SH3RF3: variants seen among roughly 807,000 people sequenced by gnomAD.
The protein encoded by SH3RF3 is SH3 domain containing ring finger 3.
Under a neutral mutation model 66.3 loss-of-function variants are expected in SH3RF3, and 29 were observed. The ratio of observed to expected loss-of-function variants is 0.44; its 90% CI spans 0.33 to 0.60. The LOEUF is 0.60. SH3RF3 is among the 20% of genes least tolerant of loss of function. SH3RF3 has a pLI of 0.04. For missense variants in SH3RF3, 1,194 were observed against 1,190.9 expected (o/e 1.00, Z -0.04); for synonymous variants, 583 against 532.0 (o/e 1.10, Z -1.32).
At chr2:109,253,588 T>C (rs1359212723) in intron 1 of SH3RF3, among the ~76,000 whole-genome samples, 1 of 152,200 alleles carries the variant, frequency 6.6e-6, no homozygotes, top group African/African-American at 2.4e-5. Context: ...CAAATTCTTA[T>C]TCTGACTAAT....
intron 1 of SH3RF3, among the ~76,000 whole-genome samples, chr2:109,149,956 T>C (rs1677192334): frequency 6.6e-6 from 1 of 152,220 alleles, no homozygotes; most frequent in Non-Finnish European, 1.5e-5. Flanking sequence ...GGTTCTTGAC[T>C]TGGGGTGCAT....
intron 1 of SH3RF3, among the ~76,000 whole-genome samples, chr2:109,152,423 G>A (rs148773108): frequency 2.2e-4 from 34 of 152,288 alleles, no homozygotes; most frequent in African/African-American, 7.9e-4. Flanking sequence ...TCTGGGCTCC[G>A]ATCTCAAGTT....
At chr2:109,264,703 C>T (rs938388976) in intron 1 of SH3RF3, among the ~76,000 whole-genome samples, 7 of 152,312 alleles carry the variant, frequency 4.6e-5, no homozygotes, top group South Asian at 4.1e-4. Context: ...TAGATGTTTC[C>T]GTAAGGGCTT....
At chr2:109,244,618 A>T (rs764494912) in intron 1 of SH3RF3, among the ~76,000 whole-genome samples, 3 of 152,256 alleles carry the variant, frequency 2.0e-5, no homozygotes, top group Non-Finnish European at 4.4e-5. Flanking sequence ...AAACCCAAGA[A>T]TGCCAGTTAG....
chr2:109,287,879 C>A (rs972710575), intron 1 of SH3RF3, among the ~76,000 whole-genome samples: 2 of 152,236 alleles, frequency 1.3e-5, no homozygotes, highest in African/African-American at 4.8e-5. Flanking sequence ...TTTTCTTTTG[C>A]TAACTCCCCT....
intron 6 of SH3RF3, among the ~76,000 whole-genome samples, chr2:109,433,767 A>G (rs1232402151): frequency 6.6e-6 from 1 of 152,228 alleles, no homozygotes; most frequent in East Asian, 1.9e-4. Context: ...GGAGTTGCCC[A>G]AAGCCTGAAA....
intron 8 of SH3RF3, among the ~76,000 whole-genome samples, chr2:109,451,994 C>T (rs1247580587): frequency 1.3e-5 from 2 of 152,214 alleles, no homozygotes; most frequent in African/African-American, 2.4e-5. Context: ...CATTGCCCTC[C>T]CACACATTGT....
At chr2:109,219,301 G>A (rs1679174673) in intron 1 of SH3RF3, among the ~76,000 whole-genome samples, 1 of 127,320 alleles carries the variant, frequency 7.9e-6, no homozygotes, top group Admixed American at 8.7e-5. Context: ...AAAACATTTT[G>A]TGTAATTACA....
chr2:109,307,243 C>T (rs1429796043), intron 1 of SH3RF3, among the ~76,000 whole-genome samples: 2 of 152,158 alleles, frequency 1.3e-5, no homozygotes, highest in Admixed American at 1.3e-4. Flanking sequence ...GCACATTGGA[C>T]TTGTGTGTAG....
At chr2:109,361,467 A>G (rs1683049786) in intron 2 of SH3RF3, among the ~76,000 whole-genome samples, 1 of 152,006 alleles carries the variant, frequency 6.6e-6, no homozygotes, top group African/African-American at 2.4e-5. Flanking sequence ...AAAGTTTATT[A>G]GTTGTTTATT....
chr2:109,179,950 G>C (rs1678037009), intron 1 of SH3RF3, among the ~76,000 whole-genome samples: 1 of 78,514 alleles, frequency 1.3e-5, no homozygotes, highest in African/African-American at 4.4e-5. Flanking sequence ...GACAGAGGCT[G>C]GATCATTTGG....
At chr2:109,476,795 T>G (rs1678695515) in intron 8 of SH3RF3, among the ~76,000 whole-genome samples, 1 of 152,304 alleles carries the variant, frequency 6.6e-6, no homozygotes, top group South Asian at 2.1e-4. Flanking sequence ...TTTTTATGGT[T>G]GTTTCTTGAT....
At chr2:109,441,598 A>G (rs1394792139) in intron 7 of SH3RF3, among the ~76,000 whole-genome samples, 1 of 152,252 alleles carries the variant, frequency 6.6e-6, no homozygotes, top group Non-Finnish European at 1.5e-5. Context: ...GAGGTCTCCA[A>G]TGTAGAGGAG....
In SH3RF3 at chr2:109,504,119, C is replaced by T. The variant is rs11680126; in HGVS notation, c.*2448C>T. 0.32 allele frequency: 48,600 copies of T among 152,162 alleles called. 10,346 individuals are homozygous for T. The highest frequency in any genetic ancestry group is 0.61 in the African/African-American group (25,115 of 41,494). The allele number at this position is 152,162 out of a possible 1,614,324, so 9.4% of individuals were successfully genotyped here. A position where few individuals can be genotyped will look rare whatever the true frequency, so the allele number is the denominator to read the frequency against. ...CTGCAGCCTTCATGATGATGTAGCT[C>T]GCAGAGAAGAGCAGGAGCAGAATTA... On this transcript the variant is annotated 3_prime_UTR_variant, in exon 10 of 10. Transcript: ENST00000309415.
At chr2:109,320,886 C>T (rs1682010470) in intron 1 of SH3RF3, among the ~76,000 whole-genome samples, 1 of 152,234 alleles carries the variant, frequency 6.6e-6, no homozygotes, top group South Asian at 2.1e-4. Flanking sequence ...CTACGATACT[C>T]ATCACCTGGG....
At chr2:109,314,354 G>T (rs891750565) in intron 1 of SH3RF3, among the ~76,000 whole-genome samples, 1 of 152,160 alleles carries the variant, frequency 6.6e-6, no homozygotes, top group Non-Finnish European at 1.5e-5. Context: ...CCAGAAAATG[G>T]CTCCGTTGAA....
intron 1 of SH3RF3, among the ~76,000 whole-genome samples, chr2:109,247,786 A>G (rs111751406): frequency 0.02 from 3,019 of 152,288 alleles, 109 homozygotes; most frequent in African/African-American, 0.068. Flanking sequence ...TTTTTATTTA[A>G]CTCACTGTTG....
intron 1 of SH3RF3, among the ~76,000 whole-genome samples, chr2:109,266,915 C>T (rs910358521): frequency 6.6e-6 from 1 of 152,188 alleles, no homozygotes; most frequent in African/African-American, 2.4e-5. Flanking sequence ...TGTCCCTGAG[C>T]AGGAGAGGAT....
intron 1 of SH3RF3, among the ~76,000 whole-genome samples, chr2:109,131,068 C>T (rs76884980): frequency 0.041 from 6,194 of 152,218 alleles, 368 homozygotes; most frequent in African/African-American, 0.14. Context: ...CAACTTTATT[C>T]CTCTACTTTT....
Sources: allele counts gnomAD v4.1 joint callset (sites outside exome capture counted in the v4.1 genomes callset), GRCh38; gene constraint gnomAD v4.1.1; transcripts MANE v1.5; gene names NCBI Gene and HGNC (gene_info 2026-07-23, HGNC 2026-07-21).